The following PCCA variants were observed in gnomAD, a reference collection of about 807,000 sequenced individuals.
PCCA encodes propionyl-CoA carboxylase subunit alpha.
A neutral mutation model predicts 101.3 loss-of-function variants in PCCA; 74 were observed. The ratio of observed to expected loss-of-function variants is 0.73; its 90% CI spans 0.61 to 0.89. The LOEUF (loss-of-function observed/expected upper bound fraction) is 0.89, where lower values mean the gene tolerates loss of function less well. Among genes scored for constraint, PCCA ranks in the 40% least tolerant of loss-of-function variants. The pLI, the probability that PCCA is intolerant of heterozygous loss-of-function variation, is 0.00. For missense variants in PCCA, 891 were observed against 907.0 expected, an observed-to-expected ratio of 0.98 and a Z score of 0.23; for synonymous variants, 294 against 313.6, an observed-to-expected ratio of 0.94 and a Z score of 0.66.
In PCCA at chr13:100,226,078, A is replaced by T. The variant is rs542702461; in HGVS notation, c.601-9764A>T. 6.6e-5 allele frequency among the ~76,000 whole-genome samples: 10 copies of T among 152,318 alleles called. No homozygotes were observed. In the East Asian group the frequency reaches 1.9e-3, roughly 29 times the overall value. ...AGTGCTGGAATTGCAGGCATGAGCCACTGTGCCCGGCCGAAAGATTTGGAA... is the reference window on the plus strand; with the variant it reads ...AGTGCTGGAATTGCAGGCATGAGCCTCTGTGCCCGGCCGAAAGATTTGGAA... On this transcript the variant is annotated intron_variant, in intron 7 of 23. Transcript: ENST00000376285.
rs544150288 is a variant in PCCA, at chr13:100,397,087, A to G, written c.1746+28513A>G. On this transcript the variant is annotated intron_variant, in intron 19 of 23. Transcript: ENST00000376285. The stretch of plus-strand genomic sequence containing the variant: ...GGACACTCTACTGAGTGTCTGTTGC[A>G]AACTCCCTGGTATAAACCCCAGACG... Among the ~76,000 whole-genome samples, 11 of 152,282 alleles carry G rather than the reference A, an allele frequency of 7.2e-5. No homozygotes were observed. In the South Asian group the frequency reaches 2.1e-3, roughly 29 times the overall value.
At chr13:100,494,717 T>C (rs1183154152) in intron 21 of PCCA, among the ~76,000 whole-genome samples, 4 of 151,874 alleles carry the variant, frequency 2.6e-5, no homozygotes, top group East Asian at 1.9e-4. Context: ...CAACACATTA[T>C]AACATGACAA....
intron 6 of PCCA, among the ~76,000 whole-genome samples, chr13:100,186,303 T>C (rs2057261092): frequency 6.6e-6 from 1 of 152,234 alleles, no homozygotes; most frequent in Non-Finnish European, 1.5e-5. Context: ...CAAATATATT[T>C]AGTTTAATAC....
intron 19 of PCCA, 129 bp from the exon 20 acceptor site, chr13:100,425,504 A>G (rs377753303): frequency 1.4e-6 from 1 of 723,194 alleles, no homozygotes; most frequent in South Asian, 1.5e-5. Flanking sequence ...TCTTGGCTGG[A>G]GCAGTAAACA....
In PCCA at chr13:100,140,117, T is replaced by C. The variant is rs887612857; in HGVS notation, c.301-14862T>C. 2.0e-5 allele frequency among the ~76,000 whole-genome samples: 3 copies of C among 152,190 alleles called. No individual in the cohort carries two copies. In the South Asian group the frequency reaches 6.2e-4, roughly 31 times the overall value. The stretch of plus-strand genomic sequence containing the variant: ...ACAACTTTATTGTGTCACTTCTCCA[T>C]GCTAGCTTCTCCCATTCTGGTTCTT... On this transcript the variant is annotated intron_variant, in intron 4 of 23. Transcript: ENST00000376285.
chr13:100,422,119 T>TC (rs2078853963), intron 19 of PCCA, among the ~76,000 whole-genome samples: 8 of 82,160 alleles, frequency 9.7e-5, no homozygotes, highest in African/African-American at 3.0e-4. Context: ...TCTTTCTTTC[T>TC]TTTCTTTCTT....
chr13:100,376,691 G>A lies in PCCA; in HGVS notation c.1746+8117G>A, dbSNP rs180993340. Among the ~76,000 whole-genome samples the A allele has an allele frequency of 3.9e-5, 6 of 152,320 alleles. No homozygotes were observed. In the East Asian group the frequency reaches 1.2e-3, roughly 29 times the overall value. The stretch of plus-strand genomic sequence containing the variant: ...CTCCCTGCCAGGTTGACTTCAGACT[G>A]CTGTGCTGGCAGTGAGAATTTCAAG... On this transcript the variant is annotated intron_variant, in intron 19 of 23. Transcript: ENST00000376285.
intron 21 of PCCA, among the ~76,000 whole-genome samples, chr13:100,487,684 C>T (rs2084497509): frequency 6.6e-6 from 1 of 152,228 alleles, no homozygotes; most frequent in South Asian, 2.1e-4. Context: ...TCCCAGAGCT[C>T]ATTTTGTGGG....
In PCCA at chr13:100,339,294, T is replaced by G. The variant is rs1037713122; in HGVS notation, c.1541-863T>G. 4.6e-5 allele frequency among the ~76,000 whole-genome samples: 7 copies of G among 152,354 alleles called. No homozygotes were observed. The East Asian group carries it at 1.2e-3, about 25-fold the overall frequency. On this transcript the variant is annotated intron_variant, in intron 17 of 23. Transcript: ENST00000376285. ...CAAATATTTTCAACCTGCAGTTGTTTGAATCCATGGAGGGTCGACTGTAAA... is the reference window on the plus strand; with the variant it reads ...CAAATATTTTCAACCTGCAGTTGTTGGAATCCATGGAGGGTCGACTGTAAA...
intron 6 of PCCA, among the ~76,000 whole-genome samples, chr13:100,201,857 C>CAAAAAAAA (rs55669622): frequency 8.2e-5 from 5 of 60,742 alleles, no homozygotes; most frequent in Non-Finnish European, 8.4e-5. Context: ...AACTGCGTCT[C>CAAAAAAAA]AAAAAAAAAA....
chr13:100,456,857 A>G (rs4771365), intron 21 of PCCA, among the ~76,000 whole-genome samples: 62,563 of 151,600 alleles, frequency 0.41, 14,404 homozygotes, highest in East Asian at 0.7. Context: ...TTAGGACTCC[A>G]GATGACTGCG....
At chr13:100,317,832 C>T (rs1388810419) in intron 16 of PCCA, among the ~76,000 whole-genome samples, 1 of 152,058 alleles carries the variant, frequency 6.6e-6, no homozygotes, top group African/African-American at 2.4e-5. Flanking sequence ...AAGTGACCCA[C>T]CCACCTCGGT....
At chr13:100,241,331 A>G (rs1266051878) in intron 8 of PCCA, among the ~76,000 whole-genome samples, 4 of 152,210 alleles carry the variant, frequency 2.6e-5, no homozygotes, top group African/African-American at 7.2e-5. Flanking sequence ...TTTCATATAA[A>G]TAAATGGAAT....
At chr13:100,476,481 T>C (rs908329082) in intron 21 of PCCA, among the ~76,000 whole-genome samples, 4 of 152,188 alleles carry the variant, frequency 2.6e-5, no homozygotes, top group African/African-American at 9.7e-5. Context: ...GCAAAACATA[T>C]TAAGTATCTT....
intron 19 of PCCA, among the ~76,000 whole-genome samples, chr13:100,405,512 A>G (rs1321791860): frequency 6.6e-6 from 1 of 152,188 alleles, no homozygotes; most frequent in African/African-American, 2.4e-5. Context: ...GATAGGACTG[A>G]GTGGTTTGCA....
At position 100,114,055 on chromosome 13, in the gene PCCA, A is replaced by G. The variant is rs536565809; in HGVS notation, c.300+1994A>G. Among the ~76,000 whole-genome samples the G allele has an allele frequency of 1.2e-4, 18 of 152,298 alleles. No individual in the cohort carries two copies. In the East Asian group the frequency reaches 3.5e-3, roughly 29 times the overall value. ...GGTAAAAACGAAGACTCAAATGCAC[A>G]CATTAGCCTAGACCTGCAGAGGATC... On this transcript the variant is annotated intron_variant, in intron 4 of 23. Coordinates refer to ENST00000376285, the MANE Select transcript of PCCA (RefSeq NM_000282.4).
chr13:100,286,731 T>C (rs2064699881), intron 12 of PCCA, among the ~76,000 whole-genome samples: 1 of 151,868 alleles, frequency 6.6e-6, no homozygotes. Flanking sequence ...TGGAGGATAG[T>C]TAAGGGAGGA....
At chr13:100,500,754 A>C (rs2085607124) in intron 21 of PCCA, among the ~76,000 whole-genome samples, 1 of 152,246 alleles carries the variant, frequency 6.6e-6, no homozygotes, top group South Asian at 2.1e-4. Context: ...GAGGCCAGAG[A>C]AAAATTAATG....
chr13:100,235,934 G>A, intron 8 of PCCA, 56 bp downstream of exon 8: 1 of 1,040,318 alleles, frequency 9.6e-7, no homozygotes, highest in South Asian at 1.3e-5. Context: ...AGATACGGTT[G>A]AGTCAACAGG....
Sources: gnomAD v4.1 joint callset for allele counts (sites outside exome capture counted in the v4.1 genomes callset) on GRCh38, gnomAD v4.1.1 for gene constraint, MANE v1.5 for transcripts, NCBI Gene and HGNC (gene_info 2026-07-23, HGNC 2026-07-21) for gene names.